RERG: variants seen among roughly 807,000 people sequenced by gnomAD.
The protein encoded by RERG is RAS like estrogen regulated growth inhibitor.
In RERG, 25 loss-of-function variants were observed where a neutral mutation model predicts 23.2. That is an observed-to-expected ratio of 1.08 (90% CI 0.79 to 1.50). The LOEUF is 1.50. RERG is among the 40% of genes most tolerant of loss of function. The pLI is 0.00. For missense variants in RERG, 253 were observed against 250.1 expected (o/e 1.01, Z -0.08); for synonymous variants, 81 against 89.1 (o/e 0.91, Z 0.51).
Position 15,109,414 on chromosome 12 carries a change from T to C in RERG, c.296A>G (p.Lys99Arg). 6.2e-7 allele frequency: 1 copy of C among 1,614,098 alleles called. No individual in the cohort carries two copies. Among genetic ancestry groups the C allele is most frequent in the Non-Finnish European group, 8.5e-7 (1 of 1,180,000 alleles). ...RGSFEEVLPL[K>R]NILDEIKKPK... ...CTTTTTGATCTCATCTAGGATGTTC[T>C]TAAGTGGCAGCACTTCCTCAAAACT... Residue 99 changes from lysine to arginine, a missense_variant, in exon 5 of 5, where the codon AAG becomes AGG. Lys to Arg is a conservative substitution (Grantham distance 26). Coordinates refer to ENST00000256953, the MANE Select transcript of RERG (RefSeq NM_032918.3).
intron 2 of RERG, among the ~76,000 whole-genome samples, chr12:15,204,535 A>G (rs1865258897): frequency 6.6e-6 from 1 of 151,800 alleles, no homozygotes; most frequent in East Asian, 1.9e-4. Context: ...TCCAACATTA[A>G]TAACATGTGA....
Position 15,111,331 on chromosome 12 carries a change from A to G in RERG, c.192+13T>C. On this transcript the variant is annotated intron_variant, in intron 4 of 4. Transcript: ENST00000256953. ...TGATCCAGAAAAATATTTTAGCTGA[A>G]CTCTTTATTCACCTGACCAGCAGTG... 1.9e-6 allele frequency: 3 copies of G among 1,584,068 alleles called. No homozygotes were observed. Among genetic ancestry groups the G allele is most frequent in the South Asian group, 1.1e-5 (1 of 87,400 alleles).
intron 2 of RERG, among the ~76,000 whole-genome samples, chr12:15,130,602 G>A (rs193033689): frequency 4.0e-4 from 61 of 152,004 alleles, no homozygotes; most frequent in South Asian, 2.1e-3. Flanking sequence ...ATAAAATTGA[G>A]CAATTTAATG....
At chr12:15,113,256 TAGAAG>T (rs1863656688) in intron 3 of RERG, among the ~76,000 whole-genome samples, 1 of 151,738 alleles carries the variant, frequency 6.6e-6, no homozygotes, top group South Asian at 2.1e-4. Flanking sequence ...CTCAATAAAT[TAGAAG>T]AGAAGAAACA....
intron 2 of RERG, among the ~76,000 whole-genome samples, chr12:15,176,311 A>G (rs140974252): frequency 5.3e-5 from 8 of 152,286 alleles, no homozygotes; most frequent in Non-Finnish European, 8.8e-5. Flanking sequence ...ACAGAAGCCT[A>G]CATTTTCCTA....
chr12:15,139,561 T>G (rs750548451), intron 2 of RERG, among the ~76,000 whole-genome samples: 9 of 152,188 alleles, frequency 5.9e-5, no homozygotes, highest in Non-Finnish European at 1.3e-4. Flanking sequence ...CATAAGCATT[T>G]AATTTTCTTT....
At chr12:15,138,051 G>C in intron 2 of RERG, 1 of 255,234 alleles carries the variant, frequency 3.9e-6, no homozygotes, top group Non-Finnish European at 8.0e-6. Context: ...TAGGTCGGTG[G>C]ATTTTCTTTT....
chr12:15,188,306 G>A (rs534997596), intron 2 of RERG, among the ~76,000 whole-genome samples: 1 of 152,302 alleles, frequency 6.6e-6, no homozygotes, highest in African/African-American at 2.4e-5. Flanking sequence ...CAAAGGACAA[G>A]ACAGAACGCT....
intron 1 of RERG, 167 bp from the exon 2 acceptor site, chr12:15,217,770 TAATA>T: frequency 3.2e-6 from 1 of 309,168 alleles, no homozygotes; most frequent in Non-Finnish European, 6.0e-6. Flanking sequence ...ATGATTTAAC[TAATA>T]AATGGTAGAT....
intron 2 of RERG, among the ~76,000 whole-genome samples, chr12:15,156,953 A>G (rs1864531280): frequency 6.6e-6 from 1 of 152,194 alleles, no homozygotes; most frequent in African/African-American, 2.4e-5. Flanking sequence ...GTAATACATG[A>G]TAACATACTA....
At chr12:15,213,878 C>A (rs1865402579) in intron 2 of RERG, among the ~76,000 whole-genome samples, 1 of 152,100 alleles carries the variant, frequency 6.6e-6, no homozygotes, top group African/African-American at 2.4e-5. Flanking sequence ...TAATATATTT[C>A]TGGCTTTTTA....
intron 3 of RERG, among the ~76,000 whole-genome samples, chr12:15,115,965 A>G (rs563891609): frequency 1.3e-5 from 2 of 152,300 alleles, no homozygotes; most frequent in East Asian, 1.9e-4. Flanking sequence ...CAATATTTTA[A>G]TAAGTGTATT....
At chr12:15,171,205 A>C (rs546624045) in intron 2 of RERG, among the ~76,000 whole-genome samples, 2 of 152,282 alleles carry the variant, frequency 1.3e-5, no homozygotes, top group South Asian at 4.1e-4. Flanking sequence ...CTGGTGTTGG[A>C]CCTTCCTACT....
chr12:15,118,247 C>T (rs1170133738), intron 3 of RERG, among the ~76,000 whole-genome samples: 1 of 152,032 alleles, frequency 6.6e-6, no homozygotes, highest in Non-Finnish European at 1.5e-5. Context: ...GTTTAGGAGT[C>T]ACTTGCTACT....
At chr12:15,110,463 C>CTTTCTTTTTTTTT (rs1863586835) in intron 4 of RERG, among the ~76,000 whole-genome samples, 2 of 73,082 alleles carry the variant, frequency 2.7e-5, no homozygotes, top group African/African-American at 1.2e-4. Context: ...CCATTTTTTT[C>CTTTCTTTTTTTTT]TTTTTTTTTT....
chr12:15,125,956 T>G (rs1863929798), intron 2 of RERG, among the ~76,000 whole-genome samples: 1 of 151,404 alleles, frequency 6.6e-6, no homozygotes, highest in Admixed American at 6.6e-5. Flanking sequence ...GAAGCTCAAG[T>G]TGTTTACATT....
intron 3 of RERG, among the ~76,000 whole-genome samples, chr12:15,118,270 AT>A (rs1173325857): frequency 1.3e-5 from 2 of 152,172 alleles, no homozygotes; most frequent in East Asian, 3.9e-4. Flanking sequence ...AGTAGCAAGC[AT>A]TTTCTTCATT....
chr12:15,122,434 A>T (rs545624896), intron 2 of RERG, among the ~76,000 whole-genome samples: 1 of 152,296 alleles, frequency 6.6e-6, no homozygotes, highest in South Asian at 2.1e-4. Context: ...TTGCATGAGG[A>T]CTTCGCAAAA....
intron 2 of RERG, among the ~76,000 whole-genome samples, chr12:15,154,052 C>T (rs968422385): frequency 6.6e-6 from 1 of 152,160 alleles, no homozygotes; most frequent in Non-Finnish European, 1.5e-5. Context: ...GGAACAGATC[C>T]TCCCTTACAG....
Sources: gnomAD v4.1 joint callset for allele counts (sites outside exome capture counted in the v4.1 genomes callset) on GRCh38, gnomAD v4.1.1 for gene constraint, MANE v1.5 for transcripts, NCBI Gene and HGNC (gene_info 2026-07-23, HGNC 2026-07-21) for gene names.